The following ERLEC1 variants were observed in gnomAD, a reference collection of about 807,000 sequenced individuals.
The protein encoded by ERLEC1 is endoplasmic reticulum lectin 1.
In ERLEC1, 47 loss-of-function variants were observed where a neutral mutation model predicts 68.0. The ratio of observed to expected loss-of-function variants is 0.69; its 90% confidence interval spans 0.55 to 0.88. ERLEC1 has a LOEUF of 0.88. Ranked by LOEUF, ERLEC1 falls within the 40% of genes least tolerant of loss-of-function variation. The pLI is 0.00. For missense variants in ERLEC1, 567 were observed against 583.8 expected (o/e 0.97, Z 0.30); for synonymous variants, 225 against 203.2 (o/e 1.11, Z -0.91).
At chr2:53,809,146 C>A (rs1573097949) in intron 9 of ERLEC1, 68 bp from the exon 10 acceptor site, 2 of 1,050,122 alleles carry the variant, frequency 1.9e-6, no homozygotes, top group East Asian at 5.0e-5. Context: ...ATTTCCATTA[C>A]TGTCATGTGG....
rs575611975 is a variant in ERLEC1 at position 53,801,668 on chromosome 2, A to G, written c.750-45A>G. The stretch of plus-strand genomic sequence containing the variant: ...TAAACATAAAATGCACACATGCTTT[A>G]AAGTGTTCTGTGCATAGCTTTAATG... On this transcript the variant is annotated intron_variant, in intron 7 of 13. Coordinates refer to ENST00000185150, the MANE Select transcript of ERLEC1 (RefSeq NM_015701.5). 4.3e-6 allele frequency: 7 copies of G among 1,613,052 alleles called. No homozygotes were observed. In the South Asian group the frequency reaches 5.5e-5, roughly 13 times the overall value.
intron 5 of ERLEC1, 118 bp from the exon 6 acceptor site, chr2:53,798,927 CAT>C (rs1675860783): frequency 1.5e-6 from 1 of 664,508 alleles, no homozygotes; most frequent in Non-Finnish European, 2.4e-6. Context: ...AGATAAAAAT[CAT>C]ATGTGTTTTG....
chr2:53,798,097 A>C (rs1477209940), intron 5 of ERLEC1, among the ~76,000 whole-genome samples: 1 of 151,894 alleles, frequency 6.6e-6, no homozygotes, highest in Non-Finnish European at 1.5e-5. Flanking sequence ...TGGGAGGCTG[A>C]GGCAGGAGCA....
In ERLEC1 at chr2:53,796,874, TAA is replaced by T. The variant is rs527845851; in HGVS notation, c.349-639_349-638del. Among the ~76,000 whole-genome samples the T allele has an allele frequency of 4.7e-3, 704 of 149,632 alleles. 3 individuals carry two copies. Among genetic ancestry groups the T allele is most frequent in the South Asian group, 0.011 (54 of 4,746 alleles). ...GTTTTGAATGTTTTTCAGTTCAAAATAAAGTTTTCTTTTTCTTTTTTTTTTTT... is the reference window on the plus strand; with the variant it reads ...GTTTTGAATGTTTTTCAGTTCAAAATAGTTTTCTTTTTCTTTTTTTTTTTT... On this transcript the variant is annotated intron_variant, in intron 3 of 13. Coordinates refer to ENST00000185150, the MANE Select transcript of ERLEC1 (RefSeq NM_015701.5).
At chr2:53,817,126 T>G (rs1040933981) in intron 13 of ERLEC1, among the ~76,000 whole-genome samples, 6 of 140,026 alleles carry the variant, frequency 4.3e-5, no homozygotes, top group South Asian at 2.5e-4. Flanking sequence ...TGTTGTTGTT[T>G]TTTATTTACT....
In ERLEC1 at chr2:53,787,161, C is replaced by T; in HGVS notation, c.-50C>T. 2 of 1,492,306 alleles carry T rather than the reference C, an allele frequency of 1.3e-6. No individual in the cohort carries two copies. The highest frequency in any genetic ancestry group is 1.2e-5 in the South Asian group (1 of 82,512). The allele number at this position is 1,492,306 out of a possible 1,614,324, so 92.4% of individuals were successfully genotyped here. Reference sequence around the variant, plus strand: ...CACCTCCTCCTCCTCCTCCTCTCCTCCTGGAGCAGAGGAGGTTGTGGCGGT... The same window carrying T: ...CACCTCCTCCTCCTCCTCCTCTCCTTCTGGAGCAGAGGAGGTTGTGGCGGT... On this transcript the variant is annotated 5_prime_UTR_variant, in exon 1 of 14. Transcript: ENST00000185150.
Position 53,797,887 on chromosome 2 carries a change from A to G in ERLEC1, c.490+92A>G, listed in dbSNP as rs1262739925. 5 of 1,169,154 alleles carry G rather than the reference A, an allele frequency of 4.3e-6. No homozygotes were observed. In the Admixed American group the frequency reaches 5.7e-5, roughly 13 times the overall value. The allele number at this position is 1,169,154 out of a possible 1,614,324, so 72.4% of individuals were successfully genotyped here. ...AATTTACGAGATTTTTTTTTTGGAC[A>G]TTGTGTGAATTTTAAAATACTGAAA... On this transcript the variant is annotated intron_variant, in intron 5 of 13. Coordinates refer to ENST00000185150, the MANE Select transcript of ERLEC1 (RefSeq NM_015701.5).
At chr2:53,808,734 G>A (rs887280225) in intron 9 of ERLEC1, among the ~76,000 whole-genome samples, 16 of 152,148 alleles carry the variant, frequency 1.1e-4, no homozygotes, top group African/African-American at 3.6e-4. Context: ...ATGAGCATGT[G>A]ATTGTATATC....
intron 8 of ERLEC1, among the ~76,000 whole-genome samples, chr2:53,807,950 A>G (rs1676382834): frequency 6.6e-6 from 1 of 151,998 alleles, no homozygotes; most frequent in South Asian, 2.1e-4. Flanking sequence ...GCTTTAACCC[A>G]GGAAGCGGAG....
At chr2:53,796,516 G>A (rs1675711473) in intron 3 of ERLEC1, among the ~76,000 whole-genome samples, 1 of 151,612 alleles carries the variant, frequency 6.6e-6, no homozygotes, top group African/African-American at 2.4e-5. Context: ...CTAGAGTATA[G>A]TGGCATGATC....
chr2:53,805,296 A>G (rs1676229881), intron 8 of ERLEC1, among the ~76,000 whole-genome samples: 1 of 152,152 alleles, frequency 6.6e-6, no homozygotes, highest in Non-Finnish European at 1.5e-5. Flanking sequence ...GTACGGGATT[A>G]CAGACATGAG....
chr2:53,814,686 T>G, intron 12 of ERLEC1, 66 bp downstream of exon 12: 1 of 1,197,290 alleles, frequency 8.4e-7, no homozygotes, highest in Non-Finnish European at 1.2e-6. Context: ...GGACAAAAGT[T>G]TTATGTAAAC....
chr2:53,797,370 A>G, intron 3 of ERLEC1, 145 bp from the exon 4 acceptor site: 2 of 588,784 alleles, frequency 3.4e-6, no homozygotes, highest in Non-Finnish European at 2.9e-6. Context: ...GAAATTTCAC[A>G]TTTTTTTGAG....
chr2:53,794,266 T>G (rs1193794785), intron 1 of ERLEC1, 79 bp from the exon 2 acceptor site: 1 of 587,678 alleles, frequency 1.7e-6, no homozygotes, highest in Admixed American at 3.3e-5. Context: ...AAGAATCTTT[T>G]TTCCAGCTAA....
intron 10 of ERLEC1, among the ~76,000 whole-genome samples, chr2:53,812,114 A>G (rs923214336): frequency 6.6e-6 from 1 of 152,130 alleles, no homozygotes; most frequent in African/African-American, 2.4e-5. Context: ...TAGTTTCTAC[A>G]TGTTGGTCAG....
intron 1 of ERLEC1, among the ~76,000 whole-genome samples, chr2:53,789,784 C>T (rs185416084): frequency 9.2e-5 from 14 of 151,974 alleles, no homozygotes; most frequent in African/African-American, 2.4e-4. Flanking sequence ...TTTGGGAGGC[C>T]GAGCTGGGTG....
intron 6 of ERLEC1, among the ~76,000 whole-genome samples, chr2:53,799,813 C>G (rs1675912632): frequency 1.3e-5 from 2 of 151,980 alleles, no homozygotes; most frequent in Admixed American, 1.3e-4. Context: ...TTTGGAGAGA[C>G]TTGATAAGCT....
intron 8 of ERLEC1, among the ~76,000 whole-genome samples, chr2:53,807,588 C>T (rs779921040): frequency 6.6e-6 from 1 of 152,126 alleles, no homozygotes; most frequent in Non-Finnish European, 1.5e-5. Context: ...AACTAATATT[C>T]ATATTTATTT....
chr2:53,805,383 T>A (rs543744523), intron 8 of ERLEC1, among the ~76,000 whole-genome samples: 1 of 152,244 alleles, frequency 6.6e-6, no homozygotes, highest in East Asian at 1.9e-4. Context: ...ACCCTTTTTT[T>A]AATTAATTTT....
Sources: gnomAD v4.1 joint callset for allele counts (sites outside exome capture counted in the v4.1 genomes callset) on GRCh38, gnomAD v4.1.1 for gene constraint, MANE v1.5 for transcripts, NCBI Gene and HGNC (gene_info 2026-07-23, HGNC 2026-07-21) for gene names.